The following CERS6 variants were observed in gnomAD, a reference collection of about 807,000 sequenced individuals.
CERS6 encodes the protein LAG1 homolog, ceramide synthase 6.
In CERS6, 26 loss-of-function variants were observed where a neutral mutation model predicts 56.8. That is an observed-to-expected ratio of 0.46 (90% confidence interval 0.34 to 0.63). CERS6 has a LOEUF of 0.63. Ranked by LOEUF, CERS6 falls within the 30% of genes least tolerant of loss-of-function variation. CERS6 has a pLI of 0.01. For missense variants in CERS6, 415 were observed against 467.5 expected (o/e 0.89, Z 1.04); for synonymous variants, 164 against 173.3 (o/e 0.95, Z 0.42).
intron 3 of CERS6, among the ~76,000 whole-genome samples, chr2:168,624,663 A>G (rs537488127): frequency 4.3e-4 from 66 of 152,278 alleles, no homozygotes; most frequent in African/African-American, 1.5e-3. Context: ...AAAGATGACT[A>G]CTTCTATCAA....
intron 6 of CERS6, among the ~76,000 whole-genome samples, chr2:168,696,004 T>C (rs1363131098): frequency 6.6e-6 from 1 of 152,170 alleles, no homozygotes. Flanking sequence ...CATTTTAGAT[T>C]TTTATATTAG....
chr2:168,515,310 C>T (rs1394463497), intron 1 of CERS6, among the ~76,000 whole-genome samples: 1 of 152,116 alleles, frequency 6.6e-6, no homozygotes, highest in Non-Finnish European at 1.5e-5. Context: ...AAATTAATCC[C>T]CTATGTCCAA....
chr2:168,689,291 C>T (rs1686438458), intron 4 of CERS6, among the ~76,000 whole-genome samples: 1 of 152,116 alleles, frequency 6.6e-6, no homozygotes, highest in Non-Finnish European at 1.5e-5. Flanking sequence ...ACGGCAATAA[C>T]TAACATTTGT....
intron 8 of CERS6, among the ~76,000 whole-genome samples, chr2:168,746,975 C>T (rs1684127032): frequency 6.6e-6 from 1 of 151,094 alleles, no homozygotes; most frequent in African/African-American, 2.4e-5. Flanking sequence ...TGTTAATTAC[C>T]ATTTTGGCAT....
Position 168,456,664 on chromosome 2 carries a change from A to G in CERS6, c.170+46A>G, listed in dbSNP as rs770156015. On this transcript the variant is annotated intron_variant, in intron 1 of 9. Coordinates refer to ENST00000305747, the MANE Select transcript of CERS6 (RefSeq NM_203463.3). This position sits in a 1 kb window ranked among gnomAD's most constrained non-coding sequence, Gnocchi z 4.1. Reference sequence around the variant, plus strand: ...TCCTCCCCTCCCCCTGCGCACACACACGCGCGCACACACTCGCGCGCTCTC... The same window carrying G: ...TCCTCCCCTCCCCCTGCGCACACACGCGCGCGCACACACTCGCGCGCTCTC... 4.5e-6 allele frequency: 7 copies of G among 1,560,138 alleles called. No individual in the cohort carries two copies. Among genetic ancestry groups the G allele is most frequent in the Admixed American group, 1.8e-5 (1 of 57,070 alleles).
chr2:168,702,614 C>G (rs908942438), intron 6 of CERS6, among the ~76,000 whole-genome samples: 1 of 152,114 alleles, frequency 6.6e-6, no homozygotes, highest in African/African-American at 2.4e-5. Context: ...AATCACTACT[C>G]AGCGAACCAA....
intron 6 of CERS6, among the ~76,000 whole-genome samples, chr2:168,703,866 T>G (rs1686866956): frequency 6.6e-6 from 1 of 152,190 alleles, no homozygotes; most frequent in African/African-American, 2.4e-5. Context: ...TTCCCAATCT[T>G]AGGCCTGTGT....
rs201283401 is a variant in CERS6 at position 168,744,153 on chromosome 2, C to T, written c.846-21439C>T. On this transcript the variant is annotated intron_variant, in intron 8 of 9. Coordinates refer to ENST00000305747, the MANE Select transcript of CERS6 (RefSeq NM_203463.3). ...CCTGAGTAGCTGGGACTACAGGCACCCACCACCACGCCCGGCTAATTTTTT... is the reference window on the plus strand; with the variant it reads ...CCTGAGTAGCTGGGACTACAGGCACTCACCACCACGCCCGGCTAATTTTTT... Among the ~76,000 whole-genome samples, 7 of 151,450 alleles carry T rather than the reference C, an allele frequency of 4.6e-5. No individual in the cohort carries two copies. In the East Asian group the frequency reaches 9.7e-4, roughly 21 times the overall value.
intron 3 of CERS6, among the ~76,000 whole-genome samples, chr2:168,602,826 C>T (rs187317848): frequency 7.2e-5 from 11 of 152,314 alleles, no homozygotes; most frequent in Admixed American, 6.5e-4. Context: ...CCAGCCCCAG[C>T]CTCTCAGTCC....
chr2:168,556,527 G>A (rs2105378128), intron 2 of CERS6, among the ~76,000 whole-genome samples: 1 of 151,936 alleles, frequency 6.6e-6, no homozygotes, highest in African/African-American at 2.4e-5. Flanking sequence ...TTTCTGTATT[G>A]TGCCAAATTT....
Position 168,598,707 on chromosome 2 carries a change from A to C in CERS6, c.408-32278A>C, listed in dbSNP as rs1683862303. ...TAACGTAGCTTACAAGATTGTCTTC[A>C]ATCTTCACTTCTGCAATATAGAGCT... is the stretch of plus-strand genomic sequence containing the variant. On this transcript the variant is annotated intron_variant, in intron 3 of 9. Coordinates refer to ENST00000305747, the MANE Select transcript of CERS6 (RefSeq NM_203463.3). Among the ~76,000 whole-genome samples, 2 of 152,246 alleles carry C rather than the reference A, an allele frequency of 1.3e-5. 1 individual carries two copies. The highest frequency in any genetic ancestry group is 4.1e-4 in the South Asian group (2 of 4,830).
chr2:168,604,132 T>C (rs1218584200), intron 3 of CERS6, among the ~76,000 whole-genome samples: 1 of 152,230 alleles, frequency 6.6e-6, no homozygotes, highest in African/African-American at 2.4e-5. Context: ...GATTTAAATA[T>C]TTTTACATTC....
intron 3 of CERS6, among the ~76,000 whole-genome samples, chr2:168,610,152 T>G (rs1205584219): frequency 6.6e-6 from 1 of 152,032 alleles, no homozygotes; most frequent in Non-Finnish European, 1.5e-5. Flanking sequence ...TAATTTTTTG[T>G]ATTTTTAGTA....
At chr2:168,728,417 T>C (rs1395607537) in intron 8 of CERS6, among the ~76,000 whole-genome samples, 2 of 131,494 alleles carry the variant, frequency 1.5e-5, no homozygotes, top group Admixed American at 8.5e-5. Flanking sequence ...TGAGATGGAG[T>C]CTTGCTCTGT....
At chr2:168,538,342 T>G (rs2105367029) in intron 1 of CERS6, among the ~76,000 whole-genome samples, 1 of 151,976 alleles carries the variant, frequency 6.6e-6, no homozygotes, top group Non-Finnish European at 1.5e-5. Context: ...ACTGGCTAAC[T>G]CTATACTAGC....
intron 3 of CERS6, among the ~76,000 whole-genome samples, chr2:168,618,647 A>C (rs1018138499): frequency 1.3e-5 from 2 of 152,186 alleles, no homozygotes; most frequent in Non-Finnish European, 2.9e-5. Flanking sequence ...CAAAAAGAAT[A>C]AAATACTTAG....
intron 1 of CERS6, among the ~76,000 whole-genome samples, chr2:168,494,350 T>C (rs1360537820): frequency 6.6e-6 from 1 of 152,154 alleles, no homozygotes; most frequent in African/African-American, 2.4e-5. Context: ...AGCTTCCGTG[T>C]TTATTAGCTC....
intron 3 of CERS6, among the ~76,000 whole-genome samples, chr2:168,612,349 CTAA>C (rs1448153511): frequency 2.0e-5 from 3 of 152,150 alleles, no homozygotes; most frequent in African/African-American, 7.2e-5. Context: ...TAAAGGATGA[CTAA>C]TAACATATGT....
At chr2:168,521,944 G>C (rs1694989641) in intron 1 of CERS6, among the ~76,000 whole-genome samples, 1 of 152,224 alleles carries the variant, frequency 6.6e-6, no homozygotes, top group African/African-American at 2.4e-5. Context: ...ATAGAGGCAT[G>C]TAGAGGTTTT....
Sources: allele counts gnomAD v4.1 joint callset (sites outside exome capture counted in the v4.1 genomes callset), GRCh38; gene constraint gnomAD v4.1.1; non-coding constraint Gnocchi (gnomAD v3.1); transcripts MANE v1.5; gene names NCBI Gene and HGNC (gene_info 2026-07-23, HGNC 2026-07-21).